The following PRKG1 variants were observed in gnomAD, a reference collection of about 807,000 sequenced individuals.
The protein encoded by PRKG1 is cGMP-dependent protein kinase 1.
A neutral mutation model predicts 88.1 loss-of-function variants in PRKG1; 35 were observed. The ratio of observed to expected loss-of-function variants is 0.40; its 90% confidence interval spans 0.30 to 0.53. PRKG1 has a LOEUF of 0.53. Ranked by LOEUF, PRKG1 falls within the 20% of genes least tolerant of loss-of-function variation. The pLI is 0.59. For missense variants in PRKG1, 540 were observed against 839.8 expected (o/e 0.64, Z 4.41); for synonymous variants, 303 against 292.5 (o/e 1.04, Z -0.37).
chr10:51,142,508 CAGAG>C (rs1845841826), intron 1 of PRKG1, among the ~76,000 whole-genome samples: 1 of 151,748 alleles, frequency 6.6e-6, no homozygotes, highest in Non-Finnish European at 1.5e-5. Context: ...AAGATCCAGA[CAGAG>C]AGAGACACAG....
intron 6 of PRKG1, among the ~76,000 whole-genome samples, chr10:52,058,609 C>A (rs1269592139): frequency 6.6e-6 from 1 of 151,894 alleles, no homozygotes; most frequent in African/African-American, 2.4e-5. Context: ...CATTGGTAAT[C>A]CATGGACCAA....
chr10:51,287,283 G>T (rs965032245), intron 2 of PRKG1, among the ~76,000 whole-genome samples: 1 of 152,096 alleles, frequency 6.6e-6, no homozygotes, highest in Non-Finnish European at 1.5e-5. Flanking sequence ...GGGCCAGGTG[G>T]TATATAGACA....
At chr10:52,123,675 A>G (rs892254727) in intron 7 of PRKG1, among the ~76,000 whole-genome samples, 4 of 152,234 alleles carry the variant, frequency 2.6e-5, no homozygotes, top group Non-Finnish European at 2.9e-5. Context: ...ATTTACTTCA[A>G]TATGTGAAAA....
chr10:51,467,694 A>G (rs1223088984), intron 2 of PRKG1, 29 bp from the exon 3 acceptor site: 8 of 1,515,054 alleles, frequency 5.3e-6, no homozygotes, highest in South Asian at 1.1e-5. Context: ...AATAATTTAT[A>G]TAACATGTTT....
At chr10:51,962,187 A>G (rs1018784480) in intron 5 of PRKG1, among the ~76,000 whole-genome samples, 1 of 152,142 alleles carries the variant, frequency 6.6e-6, no homozygotes, top group Non-Finnish European at 1.5e-5. Context: ...AAAAACTAGC[A>G]CCAAGGATGG....
chr10:51,531,116 C>T (rs1842006385), intron 3 of PRKG1, among the ~76,000 whole-genome samples: 1 of 152,136 alleles, frequency 6.6e-6, no homozygotes, highest in Non-Finnish European at 1.5e-5. Flanking sequence ...TTTTACTCCT[C>T]AGTATAAAAA....
chr10:52,028,998 T>C (rs1845410735), intron 5 of PRKG1, among the ~76,000 whole-genome samples: 1 of 152,208 alleles, frequency 6.6e-6, no homozygotes, highest in African/African-American at 2.4e-5. Context: ...AAACCATGAC[T>C]CTTCTAAATT....
intron 1 of PRKG1, among the ~76,000 whole-genome samples, chr10:51,124,809 C>G (rs1208374110): frequency 6.6e-6 from 1 of 152,088 alleles, no homozygotes; most frequent in Non-Finnish European, 1.5e-5. Context: ...CTTTAGTTAC[C>G]CATCCAGTTT....
intron 2 of PRKG1, among the ~76,000 whole-genome samples, chr10:51,168,031 T>C (rs898179362): frequency 6.6e-6 from 1 of 152,160 alleles, no homozygotes; most frequent in Non-Finnish European, 1.5e-5. Flanking sequence ...TTCATAGATA[T>C]GGATATTCAT....
rs1183109871 is a variant in PRKG1 at position 52,297,800 on chromosome 10, C to G, written c.*3900C>G. 1 of 152,114 alleles carries G rather than the reference C, an allele frequency of 6.6e-6. No individual in the cohort carries two copies. The highest frequency in any genetic ancestry group is 1.5e-5 in the Non-Finnish European group (1 of 68,020). The allele number at this position is 152,114 out of a possible 1,614,324, so 9.4% of individuals were successfully genotyped here. A position where few individuals can be genotyped will look rare whatever the true frequency, so the allele number is the denominator to read the frequency against. On this transcript the variant is annotated 3_prime_UTR_variant, in exon 18 of 18. Coordinates refer to ENST00000373980, the MANE Select transcript of PRKG1 (RefSeq NM_006258.4). Reference sequence around the variant, plus strand: ...AATTGGAAATGACTGCTAACCAGACCTCGTTATGAAACCAATGATGAAAAA... The same window carrying G: ...AATTGGAAATGACTGCTAACCAGACGTCGTTATGAAACCAATGATGAAAAA...
intron 2 of PRKG1, among the ~76,000 whole-genome samples, chr10:51,360,457 G>C (rs1203710337): frequency 6.6e-6 from 1 of 151,926 alleles, no homozygotes; most frequent in Admixed American, 6.6e-5. Flanking sequence ...TTGTTTTCAA[G>C]TTCTAGCTCT....
At chr10:51,740,581 T>C (rs1402371330) in intron 3 of PRKG1, among the ~76,000 whole-genome samples, 1 of 152,216 alleles carries the variant, frequency 6.6e-6, no homozygotes, top group Admixed American at 6.5e-5. Context: ...TCTGTTGTGA[T>C]ATCGTGTAGC....
At chr10:51,297,331 G>A (rs1366759294) in intron 2 of PRKG1, among the ~76,000 whole-genome samples, 2 of 152,094 alleles carry the variant, frequency 1.3e-5, no homozygotes, top group Non-Finnish European at 2.9e-5. Flanking sequence ...CATTTGAACA[G>A]TAGAGTCATA....
chr10:51,004,955 T>TC (rs2132718502), intron 1 of PRKG1, among the ~76,000 whole-genome samples: 1 of 152,320 alleles, frequency 6.6e-6, no homozygotes, highest in African/African-American at 2.4e-5. Context: ...TACTTTTTTT[T>TC]CAAAAGGCTA....
chr10:51,127,412 C>T (rs370435798), intron 1 of PRKG1, among the ~76,000 whole-genome samples: 30 of 152,220 alleles, frequency 2.0e-4, no homozygotes, highest in African/African-American at 5.3e-4. Context: ...AATGAGATAC[C>T]ATCTCACACC....
At chr10:51,950,938 C>T (rs1422416354) in intron 5 of PRKG1, among the ~76,000 whole-genome samples, 2 of 152,290 alleles carry the variant, frequency 1.3e-5, no homozygotes, top group East Asian at 3.9e-4. Context: ...TGGGGGTGGT[C>T]CCCCAATGGT....
At chr10:51,150,596 C>T (rs2131970416) in intron 1 of PRKG1, among the ~76,000 whole-genome samples, 1 of 152,176 alleles carries the variant, frequency 6.6e-6, no homozygotes, top group African/African-American at 2.4e-5. Flanking sequence ...TTGGCAATAT[C>T]TGTATGAAGG....
chr10:52,157,290 T>A (rs12778048), intron 8 of PRKG1, among the ~76,000 whole-genome samples: 1 of 137,574 alleles, frequency 7.3e-6, no homozygotes, highest in African/African-American at 2.6e-5. Context: ...ATATATATAT[T>A]GTGTGTGAGT....
At chr10:51,587,701 AAGAGAAATGGTTTTGAAGTAAG>A (rs1838207957) in intron 3 of PRKG1, among the ~76,000 whole-genome samples, 1 of 152,162 alleles carries the variant, frequency 6.6e-6, no homozygotes, top group Non-Finnish European at 1.5e-5. Context: ...AGCATAGTAC[AAGAGAAATGGTTTTGAAGTAAG>A]TTGGCTTTGC....
Sources: gnomAD v4.1 joint callset for allele counts (sites outside exome capture counted in the v4.1 genomes callset) on GRCh38, gnomAD v4.1.1 for gene constraint, MANE v1.5 for transcripts, NCBI Gene and HGNC (gene_info 2026-07-23, HGNC 2026-07-21) for gene names.